The following SFMBT2 variants were observed in gnomAD, a reference collection of about 807,000 sequenced individuals.
SFMBT2 encodes the protein Scm like with four mbt domains 2, also known as scm-like with four MBT domains protein 2.
Under a neutral mutation model 110.1 loss-of-function variants are expected in SFMBT2, and 38 were observed. The ratio of observed to expected loss-of-function variants is 0.35; its 90% confidence interval spans 0.27 to 0.45. SFMBT2 has a LOEUF of 0.45. SFMBT2 is among the 20% of genes least tolerant of loss of function. SFMBT2 has a pLI of 1.00. For synonymous variants in SFMBT2, 425 were observed against 425.4 expected, an observed-to-expected ratio of 1.00 and a Z score of 0.01; for missense variants, 1,011 against 1,094.9, an observed-to-expected ratio of 0.92 and a Z score of 1.08.
At chr10:7,244,213 C>T in intron 8 of SFMBT2, 1 of 244,716 alleles carries the variant, frequency 4.1e-6, no homozygotes, top group Non-Finnish European at 6.6e-6. Flanking sequence ...GGAAATCGTT[C>T]ACACTAAGCC....
intron 15 of SFMBT2, among the ~76,000 whole-genome samples, chr10:7,191,828 T>C (rs892180441): frequency 2.6e-5 from 4 of 152,202 alleles, no homozygotes; most frequent in Admixed American, 6.5e-5. Flanking sequence ...ATAATTTCAA[T>C]ATGGGCTCTG....
intron 9 of SFMBT2, among the ~76,000 whole-genome samples, chr10:7,238,191 G>T (rs1001064854): frequency 5.9e-5 from 9 of 152,270 alleles, no homozygotes; most frequent in African/African-American, 1.9e-4. Context: ...TAAACAAGGG[G>T]CTGCTGCAGG....
At chr10:7,285,835 G>T (rs774955246) in intron 5 of SFMBT2, 31 bp downstream of exon 5, 5 of 865,584 alleles carry the variant, frequency 5.8e-6, no homozygotes, top group Non-Finnish European at 1.0e-5. Context: ...GTGCTTCAGA[G>T]ATACATTAGA....
intron 4 of SFMBT2, among the ~76,000 whole-genome samples, chr10:7,356,497 C>T (rs1336345621): frequency 6.6e-6 from 1 of 152,192 alleles, no homozygotes; most frequent in African/African-American, 2.4e-5. Context: ...CTCACTGCAA[C>T]CTCCGCCTCC....
At chr10:7,250,176 G>A (rs1257617246) in intron 7 of SFMBT2, among the ~76,000 whole-genome samples, 1 of 152,028 alleles carries the variant, frequency 6.6e-6, no homozygotes, top group East Asian at 1.9e-4. Context: ...TGTTACATGG[G>A]CATACTATAC....
intron 4 of SFMBT2, among the ~76,000 whole-genome samples, chr10:7,344,546 T>C: frequency 6.6e-6 from 1 of 152,212 alleles, no homozygotes; most frequent in East Asian, 1.9e-4. Context: ...TTTCTATATA[T>C]ATTATCCAGT....
intron 7 of SFMBT2, among the ~76,000 whole-genome samples, chr10:7,271,572 CA>C (rs1181613724): frequency 6.6e-6 from 1 of 152,106 alleles, no homozygotes; most frequent in Non-Finnish European, 1.5e-5. Context: ...GGGCCAGGGT[CA>C]GGGGTCCAGG....
chr10:7,233,247 G>A (rs1349976362), intron 9 of SFMBT2, among the ~76,000 whole-genome samples: 1 of 152,150 alleles, frequency 6.6e-6, no homozygotes, highest in Non-Finnish European at 1.5e-5. Flanking sequence ...TTTGTGGTGG[G>A]AGTGGAACTT....
At chr10:7,384,387 G>A (rs961979490) in intron 1 of SFMBT2, among the ~76,000 whole-genome samples, 3 of 152,064 alleles carry the variant, frequency 2.0e-5, no homozygotes, top group Admixed American at 6.6e-5. Flanking sequence ...GGCAGGTAGT[G>A]TAAGAAAATA....
At chr10:7,238,676 C>T (rs934737630) in intron 9 of SFMBT2, among the ~76,000 whole-genome samples, 5 of 152,154 alleles carry the variant, frequency 3.3e-5, no homozygotes, top group Non-Finnish European at 4.4e-5. Context: ...AAAGTGCTAA[C>T]GTAAGCCAAT....
chr10:7,249,945 C>A (rs771642442), intron 7 of SFMBT2, among the ~76,000 whole-genome samples: 2 of 152,078 alleles, frequency 1.3e-5, no homozygotes, highest in Non-Finnish European at 2.9e-5. Context: ...AGACAGGATG[C>A]GGTCAAATAC....
intron 10 of SFMBT2, among the ~76,000 whole-genome samples, chr10:7,222,087 G>T (rs1405232023): frequency 6.6e-6 from 1 of 152,216 alleles, no homozygotes; most frequent in East Asian, 1.9e-4. Context: ...TGTAAGTCAT[G>T]TAAATGGACT....
intron 7 of SFMBT2, among the ~76,000 whole-genome samples, chr10:7,269,591 C>T (rs1472892062): frequency 6.6e-6 from 1 of 152,156 alleles, no homozygotes; most frequent in Admixed American, 6.5e-5. Flanking sequence ...TCTCAGATGA[C>T]TCACTGCTGA....
At chr10:7,248,797 C>T (rs1466414920) in intron 7 of SFMBT2, 148 bp from the exon 8 acceptor site, 1 of 686,416 alleles carries the variant, frequency 1.5e-6, no homozygotes, top group African/African-American at 1.8e-5. Context: ...CTAATTATTG[C>T]CAGATACCAC....
At chr10:7,326,692 G>C (rs1271859084) in intron 4 of SFMBT2, among the ~76,000 whole-genome samples, 5 of 152,150 alleles carry the variant, frequency 3.3e-5, no homozygotes, top group Non-Finnish European at 7.3e-5. Context: ...GTGGTGCATG[G>C]TAATTTAATT....
chr10:7,219,797 A>T (rs1216893344), intron 11 of SFMBT2: 1 of 247,512 alleles, frequency 4.0e-6, no homozygotes, highest in Non-Finnish European at 6.5e-6. Context: ...AAAACCCACC[A>T]CCTAGAAAAT....
At chr10:7,264,364 C>A (rs1356935522) in intron 7 of SFMBT2, among the ~76,000 whole-genome samples, 1 of 152,118 alleles carries the variant, frequency 6.6e-6, no homozygotes, top group Non-Finnish European at 1.5e-5. Context: ...AATCTCGATA[C>A]TTATGTCAAA....
Position 7,172,434 on chromosome 10 carries a change from C to G in SFMBT2, c.2151+61G>C. On this transcript the variant is annotated intron_variant, in intron 18 of 20. Coordinates refer to ENST00000397167, the MANE Select transcript of SFMBT2 (RefSeq NM_001387889.1). The surrounding 1 kb of genome is among the most constrained non-coding windows in gnomAD (Gnocchi z 4.6). ...CCACCTCTGCTGTGAAGCAGCCACACTTGCCGGCCAGGGCCAGATGACAGA... is the reference window on the plus strand; with the variant it reads ...CCACCTCTGCTGTGAAGCAGCCACAGTTGCCGGCCAGGGCCAGATGACAGA... The G allele has an allele frequency of 1.2e-6, 2 of 1,609,686 alleles. No individual in the cohort carries two copies. Among genetic ancestry groups the G allele is most frequent in the Non-Finnish European group, 1.7e-6 (2 of 1,178,964 alleles).
chr10:7,270,378 C>A (rs745808786), intron 7 of SFMBT2, among the ~76,000 whole-genome samples: 1 of 152,196 alleles, frequency 6.6e-6, no homozygotes, highest in Non-Finnish European at 1.5e-5. Context: ...TCTAAGTCAT[C>A]CAGTCCATGG....
Sources: gnomAD v4.1 joint callset for allele counts (sites outside exome capture counted in the v4.1 genomes callset) on GRCh38, gnomAD v4.1.1 for gene constraint, Gnocchi (gnomAD v3.1) non-coding constraint, MANE v1.5 for transcripts, NCBI Gene and HGNC (gene_info 2026-07-23, HGNC 2026-07-21) for gene names.